CALM3: variants seen among roughly 807,000 people sequenced by gnomAD.
CALM3 encodes calmodulin-3.
Under a neutral mutation model 20.1 loss-of-function variants are expected in CALM3, and 5 were observed. The observed-to-expected ratio is 0.25, with a 90% CI of 0.13 to 0.52. The LOEUF is 0.52. CALM3 is among the 20% of genes least tolerant of loss of function. The pLI, the probability that CALM3 is intolerant of heterozygous loss-of-function variation, is 0.96. For missense variants in CALM3, 57 were observed against 192.8 expected, an observed-to-expected ratio of 0.30 and a Z score of 4.17; for synonymous variants, 69 against 68.1, an observed-to-expected ratio of 1.01 and a Z score of -0.06.
In CALM3 at chr19:46,605,564, G is replaced by A. The variant is rs1364657498; in HGVS notation, c.4-263G>A. On this transcript the variant is annotated intron_variant, in intron 1 of 5. Transcript: ENST00000291295. The surrounding 1 kb of genome is among the most constrained non-coding windows in gnomAD (Gnocchi z 4.1). ...CATGCTGAGTTGAGATTGGAAGCCCGTGGGTCTGGGCAGCTTCATCGGGCC... is the reference window on the plus strand; with the variant it reads ...CATGCTGAGTTGAGATTGGAAGCCCATGGGTCTGGGCAGCTTCATCGGGCC... Among the ~76,000 whole-genome samples, 8 of 152,386 alleles carry A rather than the reference G, an allele frequency of 5.2e-5. 1 individual carries two copies. The highest frequency in any genetic ancestry group is 1.5e-5 in the Non-Finnish European group (1 of 68,040).
chr19:46,602,818 A>G (rs1971660152), intron 1 of CALM3, among the ~76,000 whole-genome samples: 1 of 152,074 alleles, frequency 6.6e-6, no homozygotes, highest in Non-Finnish European at 1.5e-5. Flanking sequence ...CGGTTTTCTC[A>G]TGATCCCCAG....
intron 1 of CALM3, chr19:46,602,704 A>G (rs1971656494): frequency 6.3e-6 from 1 of 158,976 alleles, no homozygotes. Flanking sequence ...TGGGAGATCA[A>G]AGTTTGGGGT....
chr19:46,604,658 C>A (rs1170601343), intron 1 of CALM3, among the ~76,000 whole-genome samples: 1 of 151,554 alleles, frequency 6.6e-6, no homozygotes, highest in African/African-American at 2.4e-5. Flanking sequence ...GGAACCTCTC[C>A]GTAGAATACT....
In CALM3 at chr19:46,605,847, G is replaced by A. The variant is rs1001080500; in HGVS notation, c.24G>A (p.Glu8=). Residue 8 remains glutamate (E), a synonymous_variant, in exon 2 of 6, where the codon GAG becomes GAA. Transcript: ENST00000291295. The surrounding 1 kb of genome is among the most constrained non-coding windows in gnomAD (Gnocchi z 4.1). ...TACAGGCTGACCAGCTGACTGAGGA[G>A]CAGATTGCAGGTGAGTCTGCTATCC... The part of the protein sequence containing the change: MADQLTE[E]QIAEFKEAFS... The A allele has an allele frequency of 3.1e-6, 5 of 1,614,010 alleles. No homozygotes were observed. In the African/African-American group the frequency reaches 5.3e-5, roughly 17 times the overall value.
intron 1 of CALM3, chr19:46,602,120 C>CT (rs1971635059): frequency 7.6e-7 from 1 of 1,319,678 alleles, no homozygotes; most frequent in Admixed American, 2.2e-5. Context: ...GAGGAAGAGC[C>CT]TGGGGTGGGT....
At chr19:46,602,223 C>T (rs1221855408) in intron 1 of CALM3, 1 of 1,351,804 alleles carries the variant, frequency 7.4e-7, no homozygotes, top group East Asian at 4.6e-5. Flanking sequence ...GAGAGTGGGG[C>T]TCGCCAGTAG....
In CALM3 at chr19:46,608,609, G is replaced by T. The variant is rs748009709; in HGVS notation, c.285+21G>T. 1.1e-5 allele frequency: 17 copies of T among 1,579,524 alleles called. No individual in the cohort carries two copies. The Admixed American group carries it at 2.8e-4, about 26-fold the overall frequency. On this transcript the variant is annotated intron_variant, in intron 4 of 5. Transcript: ENST00000291295. The surrounding 1 kb of genome is among the most constrained non-coding windows in gnomAD (Gnocchi z 5.5). Reference sequence around the variant, plus strand: ...ACAAGGTAAGCAGCCCTCTCCAGGGGCGGCTCTGAGACTGACGCCAGCCTT... The same window carrying T: ...ACAAGGTAAGCAGCCCTCTCCAGGGTCGGCTCTGAGACTGACGCCAGCCTT...
In CALM3 at chr19:46,604,547, G is replaced by GTT. The variant is rs34621966; in HGVS notation, c.4-1265_4-1264dup. Among the ~76,000 whole-genome samples, 801 of 133,766 alleles carry GTT rather than the reference G, an allele frequency of 6.0e-3. 11 individuals are homozygous for GTT. The highest frequency in any genetic ancestry group is 0.019 in the Middle Eastern group (5 of 268). 87.8% of individuals were successfully genotyped at this position (133,766 alleles called of 152,430 possible). A position where few individuals can be genotyped will look rare whatever the true frequency, so the allele number is the denominator to read the frequency against. ...GGCTTGCAAGTTCTTCTTCCGTTAG[G>GTT]TTTTTTTTTTTTTTTTCTAACTTTT... On this transcript the variant is annotated intron_variant, in intron 1 of 5. Coordinates refer to ENST00000291295, the MANE Select transcript of CALM3 (RefSeq NM_005184.4).
rs1416778335 is a variant in CALM3, at chr19:46,601,628, C to T, written c.3+191C>T. ...GGACGTCTGGATCACCAGAGGTTTC[C>T]AGAAGCGACTTTAGCACCAAATGGG... On this transcript the variant is annotated intron_variant, in intron 1 of 5. Coordinates refer to ENST00000291295, the MANE Select transcript of CALM3 (RefSeq NM_005184.4). The surrounding 1 kb of genome is among the most constrained non-coding windows in gnomAD (Gnocchi z 4.2). 6.6e-6 allele frequency among the ~76,000 whole-genome samples: 1 copy of T among 152,212 alleles called. No individual in the cohort carries two copies. Among genetic ancestry groups the T allele is most frequent in the Non-Finnish European group, 1.5e-5 (1 of 68,036 alleles).
chr19:46,601,309 GC>G (rs1971607953), upstream of CALM3: 2 of 885,960 alleles, frequency 2.3e-6, no homozygotes, highest in South Asian at 6.1e-5. The surrounding 1 kb of genome is among the most constrained non-coding windows in gnomAD (Gnocchi z 4.2). Context: ...GGCGGCGGCG[GC>G]GGCGGCGCGC....
At chr19:46,604,707 C>A (rs937396464) in intron 1 of CALM3, among the ~76,000 whole-genome samples, 8 of 152,040 alleles carry the variant, frequency 5.3e-5, no homozygotes, top group African/African-American at 1.9e-4. Context: ...TTCTGAGGCT[C>A]TCAGACTCGA....
intron 1 of CALM3, chr19:46,602,182 C>T (rs1372389217): frequency 1.5e-6 from 2 of 1,353,492 alleles, no homozygotes; most frequent in Admixed American, 2.0e-5. Context: ...GGAGAAGGAT[C>T]AGGGTCGTGG....
upstream of CALM3, chr19:46,601,326 G>C: frequency 9.4e-7 from 1 of 1,067,326 alleles, no homozygotes; most frequent in Non-Finnish European, 1.2e-6. This position sits in a 1 kb window ranked among gnomAD's most constrained non-coding sequence, Gnocchi z 4.2. Context: ...CGCGCGCTGC[G>C]GGCAGTGAGT....
In CALM3 at chr19:46,608,633, T is replaced by C; in HGVS notation, c.285+45T>C. 6.6e-7 allele frequency: 1 copy of C among 1,512,072 alleles called. No individual in the cohort carries two copies. Among genetic ancestry groups the C allele is most frequent in the Non-Finnish European group, 9.2e-7 (1 of 1,089,274 alleles). The allele number at this position is 1,512,072 out of a possible 1,614,324, so 93.7% of individuals were successfully genotyped here. A position where few individuals can be genotyped will look rare whatever the true frequency, so the allele number is the denominator to read the frequency against. ...GGCGGCTCTGAGACTGACGCCAGCC[T>C]TCAGGCAGACAGGCGGAACTGGAGC... On this transcript the variant is annotated intron_variant, in intron 4 of 5. Transcript: ENST00000291295. This position sits in a 1 kb window ranked among gnomAD's most constrained non-coding sequence, Gnocchi z 5.5.
Position 46,602,167 on chromosome 19 carries a change from G to A in CALM3, c.3+730G>A, listed in dbSNP as rs760853939. The A allele has an allele frequency of 7.4e-6, 10 of 1,349,700 alleles. 1 individual carries two copies. The highest frequency in any genetic ancestry group is 4.9e-6 in the Non-Finnish European group (5 of 1,014,038). The allele number at this position is 1,349,700 out of a possible 1,614,324, so 83.6% of individuals were successfully genotyped here. A position where few individuals can be genotyped will look rare whatever the true frequency, so the allele number is the denominator to read the frequency against. ...TTAGAAGATACTCTTGAAGGCTTCCGGGACGGAGAAGGATCAGGGTCGTGG... is the reference window on the plus strand; with the variant it reads ...TTAGAAGATACTCTTGAAGGCTTCCAGGACGGAGAAGGATCAGGGTCGTGG... On this transcript the variant is annotated intron_variant, in intron 1 of 5. Transcript: ENST00000291295.
chr19:46,610,762 TA>T lies in CALM3; in HGVS notation c.*1613del, dbSNP rs1971870004. The T allele has an allele frequency of 1.3e-5, 2 of 152,630 alleles. No homozygotes were observed. The allele number at this position is 152,630 out of a possible 1,614,324, so 9.5% of individuals were successfully genotyped here. On this transcript the variant is annotated 3_prime_UTR_variant, in exon 6 of 6. Transcript: ENST00000291295. ...AAAAATATATATCAATGTTTTCCAA[TA>T]AAATACAGTGACTACCTGATTTGGC...
chr19:46,604,534 C>G (rs1306470603), intron 1 of CALM3, among the ~76,000 whole-genome samples: 1 of 144,374 alleles, frequency 6.9e-6, no homozygotes, highest in Non-Finnish European at 1.5e-5. Context: ...CTTGCAAGTT[C>G]TTCTTCCGTT....
chr19:46,603,351 C>T (rs1258762125), intron 1 of CALM3, among the ~76,000 whole-genome samples: 2 of 152,238 alleles, frequency 1.3e-5, no homozygotes, highest in African/African-American at 4.8e-5. Flanking sequence ...TTGTAATCAG[C>T]AAGGTAGAGG....
chr19:46,603,178 T>G (rs558067403), intron 1 of CALM3, among the ~76,000 whole-genome samples: 4 of 152,342 alleles, frequency 2.6e-5, no homozygotes, highest in Admixed American at 2.6e-4. Flanking sequence ...GCCGCTGCTG[T>G]GTATCAGATC....
Sources: gnomAD v4.1 joint callset for allele counts (sites outside exome capture counted in the v4.1 genomes callset) on GRCh38, gnomAD v4.1.1 for gene constraint, Gnocchi (gnomAD v3.1) non-coding constraint, MANE v1.5 for transcripts, NCBI Gene and HGNC (gene_info 2026-07-23, HGNC 2026-07-21) for gene names.